FER: variants seen among roughly 807,000 people sequenced by gnomAD.
FER encodes the protein tyrosine-protein kinase Fer.
A neutral mutation model predicts 111.0 loss-of-function variants in FER; 63 were observed. The observed-to-expected ratio is 0.57, with a 90% confidence interval of 0.46 to 0.70. FER has a LOEUF of 0.70. FER is among the 30% of genes least tolerant of loss of function. The probability of loss-of-function intolerance (pLI) is 0.00; values close to 1 mark genes in which losing one functional copy is unlikely to be tolerated. For missense variants in FER, 914 were observed against 954.0 expected (o/e 0.96, Z 0.55); for synonymous variants, 327 against 313.9 (o/e 1.04, Z -0.44).
intron 18 of FER, among the ~76,000 whole-genome samples, chr5:109,183,266 T>TTTTTTTTTTTTGGTG (rs1758476508): frequency 6.7e-6 from 1 of 148,658 alleles, no homozygotes; most frequent in African/African-American, 2.5e-5. Context: ...TTTTTTTTTT[T>TTTTTTTTTTTTGGTG]GAGATGGAGT....
intron 3 of FER, among the ~76,000 whole-genome samples, chr5:108,814,106 C>T (rs967939460): frequency 6.6e-6 from 1 of 151,938 alleles, no homozygotes; most frequent in Non-Finnish European, 1.5e-5. Context: ...TTGGCAATTA[C>T]TTTTTCATTC....
chr5:108,748,916 A>G (rs1055281219), intron 1 of FER: 1 of 153,456 alleles, frequency 6.5e-6, no homozygotes, highest in Non-Finnish European at 1.5e-5. Context: ...AGTGGCGCCT[A>G]TTGGCTGTGG....
intron 17 of FER, among the ~76,000 whole-genome samples, chr5:109,103,900 C>T (rs1748564577): frequency 1.3e-5 from 2 of 152,056 alleles, no homozygotes; most frequent in South Asian, 4.1e-4. Flanking sequence ...TGTTTTTATT[C>T]AGGTTTATTT....
chr5:109,089,819 A>G (rs1475302708), intron 16 of FER, among the ~76,000 whole-genome samples: 2 of 152,142 alleles, frequency 1.3e-5, no homozygotes, highest in Admixed American at 6.6e-5. Context: ...CTCCCCAGAG[A>G]ACTGGTTTCT....
intron 16 of FER, among the ~76,000 whole-genome samples, chr5:109,091,479 G>T (rs1051054012): frequency 6.6e-6 from 1 of 152,184 alleles, no homozygotes; most frequent in Non-Finnish European, 1.5e-5. Flanking sequence ...GAGACCCTCA[G>T]AGCCTTGACA....
At chr5:108,905,625 T>C (rs1464263654) in intron 10 of FER, among the ~76,000 whole-genome samples, 1 of 152,138 alleles carries the variant, frequency 6.6e-6, no homozygotes, top group Admixed American at 6.6e-5. Context: ...TTAGAAGCTG[T>C]TACAGGATTT....
chr5:108,858,633 G>A (rs1320390104), intron 5 of FER, among the ~76,000 whole-genome samples: 1 of 151,958 alleles, frequency 6.6e-6, no homozygotes, highest in African/African-American at 2.4e-5. Flanking sequence ...AAACCATATA[G>A]GGAACTCAAT....
At chr5:108,969,616 T>TTTTTTTTTTTTTTTTTTTGTGAG in intron 13 of FER, among the ~76,000 whole-genome samples, 1 of 149,162 alleles carries the variant, frequency 6.7e-6, no homozygotes, top group African/African-American at 2.6e-5. Flanking sequence ...TTAATTTTTT[T>TTTTTTTTTTTTTTTTTTTGTGAG]GAACACTGTG....
At chr5:108,839,656 C>A (rs905133425) in intron 5 of FER, among the ~76,000 whole-genome samples, 1 of 146,720 alleles carries the variant, frequency 6.8e-6, no homozygotes, top group African/African-American at 2.6e-5. Context: ...CGGCTCACTG[C>A]AAGCTCCGCC....
intron 17 of FER, among the ~76,000 whole-genome samples, chr5:109,180,201 G>A (rs1329148281): frequency 2.0e-5 from 3 of 152,188 alleles, no homozygotes; most frequent in East Asian, 1.9e-4. Flanking sequence ...CAGAAAAAGA[G>A]TTGCCAAACT....
chr5:109,165,617 TGTGTGTGTG>T, intron 17 of FER, among the ~76,000 whole-genome samples: 1 of 145,968 alleles, frequency 6.9e-6, no homozygotes, highest in Non-Finnish European at 1.5e-5. Context: ...TGTGTGTGTG[TGTGTGTGTG>T]TGTGTGTGTG....
chr5:108,793,931 T>C (rs1755691932), intron 2 of FER, among the ~76,000 whole-genome samples: 1 of 152,194 alleles, frequency 6.6e-6, no homozygotes, highest in Admixed American at 6.5e-5. Context: ...CACTTTAACT[T>C]TGACCCCTCT....
chr5:109,158,309 T>A (rs1386918665), intron 17 of FER, among the ~76,000 whole-genome samples: 1 of 151,874 alleles, frequency 6.6e-6, no homozygotes, highest in Non-Finnish European at 1.5e-5. Context: ...GCAGTTGAGG[T>A]AGATGAATCA....
chr5:109,141,724 G>C (rs1035408715), intron 17 of FER, among the ~76,000 whole-genome samples: 5 of 152,146 alleles, frequency 3.3e-5, no homozygotes, highest in Admixed American at 1.3e-4. Context: ...CATCACTTCT[G>C]CTCAAATTTC....
At chr5:108,985,189 T>C (rs945502902) in intron 13 of FER, among the ~76,000 whole-genome samples, 11 of 152,268 alleles carry the variant, frequency 7.2e-5, no homozygotes, top group African/African-American at 2.4e-4. Flanking sequence ...AAATTGTTTT[T>C]AAAAATAAAT....
intron 13 of FER, among the ~76,000 whole-genome samples, chr5:109,013,188 C>G (rs1766540682): frequency 6.6e-6 from 1 of 150,432 alleles, no homozygotes; most frequent in Non-Finnish European, 1.5e-5. Flanking sequence ...AGTAACTCAT[C>G]ATTTAGCATT....
intron 17 of FER, among the ~76,000 whole-genome samples, chr5:109,133,333 G>A (rs1752563759): frequency 1.3e-5 from 2 of 152,044 alleles, no homozygotes; most frequent in African/African-American, 4.8e-5. Context: ...AGTTTTGTCT[G>A]AACTATTAAA....
chr5:108,837,282 A>G (rs529643385), intron 5 of FER, among the ~76,000 whole-genome samples: 67 of 152,318 alleles, frequency 4.4e-4, no homozygotes, highest in African/African-American at 1.5e-3. Flanking sequence ...ATTCAAAACA[A>G]TATTTGCCAG....
chr5:108,832,528 G>A (rs866026481), intron 3 of FER, among the ~76,000 whole-genome samples: 6 of 152,158 alleles, frequency 3.9e-5, no homozygotes, highest in African/African-American at 7.2e-5. Context: ...AAAGAGTCCC[G>A]TAATCTTTTT....
Sources: allele counts gnomAD v4.1 joint callset (sites outside exome capture counted in the v4.1 genomes callset), GRCh38; gene constraint gnomAD v4.1.1; transcripts MANE v1.5; gene names NCBI Gene and HGNC (gene_info 2026-07-23, HGNC 2026-07-21).